BCAP29: variants seen among roughly 807,000 people sequenced by gnomAD.
BCAP29 encodes B-cell receptor-associated protein 29.
A neutral mutation model predicts 31.8 loss-of-function variants in BCAP29; 34 were observed. The ratio of observed to expected loss-of-function variants is 1.07; its 90% confidence interval spans 0.81 to 1.42. The LOEUF (loss-of-function observed/expected upper bound fraction) is 1.42. BCAP29 is among the 40% of genes most tolerant of loss of function. BCAP29 has a pLI of 0.00. For synonymous variants in BCAP29, 104 were observed against 91.3 expected, an observed-to-expected ratio of 1.14 and a Z score of -0.79; for missense variants, 314 against 269.2, an observed-to-expected ratio of 1.17 and a Z score of -1.16.
chr7:107,621,595 G>T, downstream of BCAP29: 1 of 407,076 alleles, frequency 2.5e-6, no homozygotes, highest in Non-Finnish European at 5.1e-6. Context: ...TAATCTGGGA[G>T]TGCCCTAAAT....
At chr7:107,608,470 G>A (rs1812560233) in intron 6 of BCAP29, among the ~76,000 whole-genome samples, 2 of 151,912 alleles carry the variant, frequency 1.3e-5, no homozygotes, top group Non-Finnish European at 2.9e-5. Flanking sequence ...TTGTTTGTTT[G>A]TTTGTTTGTT....
intron 6 of BCAP29, among the ~76,000 whole-genome samples, chr7:107,603,954 A>G (rs1380299925): frequency 1.3e-5 from 2 of 152,104 alleles, no homozygotes; most frequent in Non-Finnish European, 2.9e-5. Context: ...TTGTAAAGTC[A>G]TTTAATGTGG....
At chr7:107,599,269 T>TATTTATATATAATTTTTATATATAA (rs1554477193) in intron 5 of BCAP29, among the ~76,000 whole-genome samples, 1 of 122,478 alleles carries the variant, frequency 8.2e-6, no homozygotes, top group Admixed American at 9.7e-5. Context: ...TTTATATATA[T>TATTTATATATAATTTTTATATATAA]ATTTATATAT....
chr7:107,612,412 TATATATATATATATATATATATATA>T (rs1813329764), intron 6 of BCAP29, among the ~76,000 whole-genome samples: 3 of 118,248 alleles, frequency 2.5e-5, no homozygotes, highest in South Asian at 2.3e-4. Context: ...TATATATATA[TATATATATATATATATATATATATA>T]TATTTATTTT....
intron 2 of BCAP29, 88 bp from the exon 3 acceptor site, chr7:107,583,794 T>C: frequency 1.8e-6 from 1 of 556,632 alleles, no homozygotes; most frequent in Non-Finnish European, 3.1e-6. Context: ...TGCTACACAA[T>C]TACTAAAATG....
chr7:107,601,272 G>T (rs929680391), intron 6 of BCAP29, among the ~76,000 whole-genome samples: 7 of 152,078 alleles, frequency 4.6e-5, no homozygotes, highest in Admixed American at 2.6e-4. Flanking sequence ...TTTTTATGTT[G>T]GCCAGACACT....
At chr7:107,598,659 G>A (rs929485543) in intron 5 of BCAP29, among the ~76,000 whole-genome samples, 1 of 152,170 alleles carries the variant, frequency 6.6e-6, no homozygotes, top group African/African-American at 2.4e-5. Context: ...GTATTTTGAT[G>A]AATATATTGG....
rs1169764029 is a variant in BCAP29 at position 107,595,921 on chromosome 7, C to T, written c.399C>T (p.Asn133=). The part of the protein sequence containing the change: ...LITQLAKELS[N]KGVLKTQAEN... ...CTCAACTGGCAAAAGAACTGTCAAA[C>T]AAAGGTGTACTTAAAACTCAAGCAG... Residue 133 remains asparagine, a synonymous_variant, in exon 5 of 8, where the codon AAC becomes AAT. Transcript: ENST00000005259. The T allele has an allele frequency of 6.3e-7, 1 of 1,599,050 alleles. No individual in the cohort carries two copies. Among genetic ancestry groups the T allele is most frequent in the Admixed American group, 1.8e-5 (1 of 55,810 alleles).
At chr7:107,591,619 A>C (rs1434586983) in intron 3 of BCAP29, among the ~76,000 whole-genome samples, 2 of 26,030 alleles carry the variant, frequency 7.7e-5, no homozygotes, top group African/African-American at 3.2e-4. Flanking sequence ...TGCCCCCTGT[A>C]CCACTTTTCC....
At chr7:107,589,285 A>G (rs1808283447) in intron 3 of BCAP29, among the ~76,000 whole-genome samples, 1 of 152,146 alleles carries the variant, frequency 6.6e-6, no homozygotes, top group East Asian at 1.9e-4. Context: ...CATTTCTATT[A>G]TTATTACATT....
intron 6 of BCAP29, among the ~76,000 whole-genome samples, chr7:107,612,464 C>A (rs114129835): frequency 0.025 from 3,501 of 139,604 alleles, 204 homozygotes; most frequent in African/African-American, 0.091. Flanking sequence ...ATCTAAGGCC[C>A]TGAATCTGCT....
chr7:107,599,113 AAT>A (rs1437347728), intron 5 of BCAP29, among the ~76,000 whole-genome samples: 3 of 132,200 alleles, frequency 2.3e-5, no homozygotes, highest in East Asian at 2.0e-4. Flanking sequence ...TATATTTATA[AAT>A]ATATAAATAT....
chr7:107,619,145 A>C lies in BCAP29; in HGVS notation c.*782A>C, dbSNP rs1297491029. Reference sequence around the variant, plus strand: ...GAAAAGTTAACGTAGAAAATATCCAAAAAGCAGTATTTCTAGAAAGTGTCC... The same window carrying C: ...GAAAAGTTAACGTAGAAAATATCCACAAAGCAGTATTTCTAGAAAGTGTCC... On this transcript the variant is annotated 3_prime_UTR_variant, in exon 8 of 8. Transcript: ENST00000005259. The C allele has an allele frequency of 6.6e-6, 1 of 152,550 alleles. No individual in the cohort carries two copies. The highest frequency in any genetic ancestry group is 1.5e-5 in the Non-Finnish European group (1 of 67,952). The allele number at this position is 152,550 out of a possible 1,614,324, so 9.4% of individuals were successfully genotyped here.
In BCAP29 at chr7:107,619,167, G is replaced by A. The variant is rs1814682304; in HGVS notation, c.*804G>A. The A allele has an allele frequency of 6.6e-6, 1 of 152,426 alleles. No homozygotes were observed. The highest frequency in any genetic ancestry group is 1.5e-5 in the Non-Finnish European group (1 of 67,918). The allele number at this position is 152,426 out of a possible 1,614,324, so 9.4% of individuals were successfully genotyped here. On this transcript the variant is annotated 3_prime_UTR_variant, in exon 8 of 8. Coordinates refer to ENST00000005259, the MANE Select transcript of BCAP29 (RefSeq NM_018844.4). ...CCAAAAAGCAGTATTTCTAGAAAGT[G>A]TCCAAAAAGCAGTATTTCTTTCCCT...
At chr7:107,612,585 A>G (rs1266190896) in intron 6 of BCAP29, among the ~76,000 whole-genome samples, 2 of 151,564 alleles carry the variant, frequency 1.3e-5, no homozygotes, top group African/African-American at 4.8e-5. Context: ...CTTCCTATAT[A>G]TTGCTGCTTT....
At chr7:107,580,023 G>C (rs986617066), upstream of BCAP29, 3 of 152,394 alleles carry the variant, frequency 2.0e-5, no homozygotes, top group African/African-American at 7.2e-5. Context: ...CTTAGCAGTG[G>C]AAAGTCTGTC....
intron 2 of BCAP29, among the ~76,000 whole-genome samples, chr7:107,582,753 A>G (rs1806929548): frequency 6.6e-6 from 1 of 152,186 alleles, no homozygotes; most frequent in African/African-American, 2.4e-5. Context: ...CCTATGAGAG[A>G]TCTCTTACAT....
At chr7:107,621,229 A>C (rs1282678900), downstream of BCAP29, 1 of 160,888 alleles carries the variant, frequency 6.2e-6, no homozygotes, top group Non-Finnish European at 1.4e-5. Flanking sequence ...GCTTTTAAGC[A>C]TTGACTTTAA....
rs555944985 is a variant in BCAP29 at position 107,585,155 on chromosome 7, CAG to C, written c.193+1176_193+1177del. 9.7e-4 allele frequency among the ~76,000 whole-genome samples: 147 copies of C among 152,292 alleles called. 3 individuals are homozygous for C. The highest frequency in any genetic ancestry group is 2.1e-4 in the Non-Finnish European group (14 of 68,028). The stretch of plus-strand genomic sequence containing the variant: ...AGTATGTTTTCCCTCAGAATTCCCT[CAG>C]AGTTGTTGTGTTGTTGGTTAAATAG... On this transcript the variant is annotated intron_variant, in intron 3 of 7. Coordinates refer to ENST00000005259, the MANE Select transcript of BCAP29 (RefSeq NM_018844.4).
Sources: allele counts gnomAD v4.1 joint callset (sites outside exome capture counted in the v4.1 genomes callset), GRCh38; gene constraint gnomAD v4.1.1; transcripts MANE v1.5; gene names NCBI Gene and HGNC (gene_info 2026-07-23, HGNC 2026-07-21).